NBAS: variants seen among roughly 807,000 people sequenced by gnomAD.
NBAS encodes the protein NBAS subunit of NRZ tethering complex, also known as NAG/BC035112 fusion.
NBAS carries 219 observed loss-of-function variants against 302.5 expected under a neutral mutation model. That is an observed-to-expected ratio of 0.72 (90% CI 0.65 to 0.81). The LOEUF is 0.81. NBAS is among the 30% of genes least tolerant of loss of function. The pLI, the probability that NBAS is intolerant of heterozygous loss-of-function variation, is 0.00. For missense variants in NBAS, 2,932 were observed against 2,841.6 expected (o/e 1.03, Z -0.72); for synonymous variants, 1,118 against 1,021.6 (o/e 1.09, Z -1.80).
intron 10 of NBAS, among the ~76,000 whole-genome samples, chr2:15,510,674 T>A (rs182381256): frequency 4.6e-5 from 7 of 152,236 alleles, no homozygotes; most frequent in Non-Finnish European, 4.4e-5. Flanking sequence ...GCTCAATAAG[T>A]AAGTATAGAA....
chr2:14,869,619 C>A, the NBAS span, among the ~76,000 whole-genome samples: 2 of 152,150 alleles, frequency 1.3e-5, no homozygotes, highest in Non-Finnish European at 2.9e-5. Context: ...ATTTTACACT[C>A]CTCTTACCCT....
chr2:15,405,577 G>A (rs1016801185), intron 25 of NBAS, among the ~76,000 whole-genome samples: 8 of 152,054 alleles, frequency 5.3e-5, no homozygotes, highest in African/African-American at 1.4e-4. Flanking sequence ...ACCATAGGCC[G>A]CAGATCATCA....
the NBAS span, among the ~76,000 whole-genome samples, chr2:14,845,996 C>T: frequency 1.6e-4 from 25 of 152,040 alleles, no homozygotes; most frequent in Non-Finnish European, 2.9e-4. Flanking sequence ...TTATTCAAAG[C>T]GATAATAACA....
intron 21 of NBAS, among the ~76,000 whole-genome samples, chr2:15,431,391 G>GT (rs1158724366): frequency 5.9e-5 from 9 of 152,038 alleles, no homozygotes; most frequent in Non-Finnish European, 5.9e-5. Flanking sequence ...TAAAATCACC[G>GT]TAAGTTCTTT....
Position 15,538,342 on chromosome 2 carries a change from A to G in NBAS, c.513+881T>C, listed in dbSNP as rs750009495. The G allele has an allele frequency of 1.4e-5, 7 of 488,702 alleles. 1 individual carries two copies. In the Admixed American group the frequency reaches 1.4e-4, roughly 10 times the overall value. 30.3% of individuals were successfully genotyped at this position (488,702 alleles called of 1,614,324 possible). ...GCTAAGATTCCCAGAATATGAGCACAACACACGTTTTTAGTTTCTCCACTC... is the reference window on the plus strand; with the variant it reads ...GCTAAGATTCCCAGAATATGAGCACGACACACGTTTTTAGTTTCTCCACTC... On this transcript the variant is annotated intron_variant, in intron 7 of 51. Transcript: ENST00000281513.
At chr2:15,017,699 G>A in the NBAS span, among the ~76,000 whole-genome samples, 2 of 151,842 alleles carry the variant, frequency 1.3e-5, no homozygotes, top group Non-Finnish European at 3.0e-5. Context: ...GGAACTGTGG[G>A]AATGTAAGCT....
the NBAS span, among the ~76,000 whole-genome samples, chr2:14,974,046 G>A: frequency 6.6e-6 from 1 of 152,166 alleles, no homozygotes; most frequent in African/African-American, 2.4e-5. Context: ...CAGGAGAAAA[G>A]GACAATCTCC....
chr2:15,467,536 A>G (rs1369721004), intron 18 of NBAS, 128 bp downstream of exon 18: 2 of 1,268,448 alleles, frequency 1.6e-6, no homozygotes, highest in African/African-American at 3.0e-5. Context: ...CACAAGGGTA[A>G]GATAATAGTA....
At chr2:15,038,236 C>T in the NBAS span, among the ~76,000 whole-genome samples, 11 of 151,752 alleles carry the variant, frequency 7.2e-5, no homozygotes, top group African/African-American at 2.7e-4. Context: ...CCTCAGCTTC[C>T]TGAGTAGCTG....
At chr2:15,071,712 G>C in the NBAS span, among the ~76,000 whole-genome samples, 1 of 151,698 alleles carries the variant, frequency 6.6e-6, no homozygotes, top group African/African-American at 2.4e-5. Flanking sequence ...AGCAAAGGAT[G>C]GGAGAAAACC....
At chr2:15,241,795 C>CT (rs1222722741) in intron 44 of NBAS, among the ~76,000 whole-genome samples, 7 of 152,060 alleles carry the variant, frequency 4.6e-5, no homozygotes, top group South Asian at 4.2e-4. Context: ...TTAGAAAAAC[C>CT]TTTTTTTTAA....
chr2:15,205,832 T>C (rs766269178), intron 48 of NBAS, among the ~76,000 whole-genome samples: 15 of 152,216 alleles, frequency 9.9e-5, no homozygotes, highest in Non-Finnish European at 2.1e-4. Flanking sequence ...CTTTACCTTC[T>C]GTCATGATTA....
intron 40 of NBAS, among the ~76,000 whole-genome samples, chr2:15,300,015 TA>T (rs1670723373): frequency 6.6e-6 from 1 of 152,142 alleles, no homozygotes; most frequent in Admixed American, 6.5e-5. Flanking sequence ...CATCAATGCA[TA>T]AAATTAAAAG....
At position 15,179,369 on chromosome 2, in the gene NBAS, C is replaced by T. The variant is rs116867064; in HGVS notation, c.6712-253G>A. 105 of 483,280 alleles carry T rather than the reference C, an allele frequency of 2.2e-4. No individual in the cohort carries two copies. The East Asian group carries it at 2.3e-3, about 11-fold the overall frequency. 29.9% of individuals were successfully genotyped at this position (483,280 alleles called of 1,614,324 possible). ...ATTGCTTTTTAATGGCTTTGTAATG[C>T]TCATTGTACAGATATAGTGGTATAA... On this transcript the variant is annotated intron_variant, in intron 50 of 51. Transcript: ENST00000281513.
intron 40 of NBAS, among the ~76,000 whole-genome samples, chr2:15,303,953 A>G (rs1228399231): frequency 1.3e-5 from 2 of 152,198 alleles, no homozygotes; most frequent in Non-Finnish European, 2.9e-5. Context: ...TAGAGCAAGC[A>G]GCAAGGTCTT....
intron 23 of NBAS, among the ~76,000 whole-genome samples, chr2:15,420,839 G>T (rs1677175975): frequency 6.6e-6 from 1 of 152,040 alleles, no homozygotes; most frequent in Non-Finnish European, 1.5e-5. Flanking sequence ...GGAAGAGGGG[G>T]AAGCAACGTA....
the NBAS span, among the ~76,000 whole-genome samples, chr2:14,781,413 TAAAGGCTCTTGA>T: frequency 1.3e-5 from 2 of 150,720 alleles, no homozygotes; most frequent in South Asian, 4.2e-4. Context: ...CTAAACTAAA[TAAAGGCTCTTGA>T]CAGAGACTAC....
chr2:15,403,540 A>G (rs764789082), intron 25 of NBAS, among the ~76,000 whole-genome samples: 3 of 152,188 alleles, frequency 2.0e-5, no homozygotes, highest in Non-Finnish European at 4.4e-5. Flanking sequence ...ATTAGGTATT[A>G]TATGTAATCT....
intron 44 of NBAS, among the ~76,000 whole-genome samples, chr2:15,270,090 A>G (rs1463449126): frequency 6.6e-6 from 1 of 152,192 alleles, no homozygotes; most frequent in Non-Finnish European, 1.5e-5. Context: ...TGTCTTGGAG[A>G]TATAGTTGTT....
Sources: gnomAD v4.1 joint callset for allele counts (sites outside exome capture counted in the v4.1 genomes callset) on GRCh38, gnomAD v4.1.1 for gene constraint, MANE v1.5 for transcripts, NCBI Gene and HGNC (gene_info 2026-07-23, HGNC 2026-07-21) for gene names.